PCGF5: variants seen among roughly 807,000 people sequenced by gnomAD.
PCGF5 encodes polycomb group ring finger 5.
In PCGF5, 9 loss-of-function variants were observed where a neutral mutation model predicts 44.3. That is an observed-to-expected ratio of 0.20 (90% CI 0.12 to 0.35). The LOEUF is 0.35. PCGF5 is among the 10% of genes least tolerant of loss of function. PCGF5 has a pLI of 1.00. For missense variants in PCGF5, 146 were observed against 305.3 expected, an observed-to-expected ratio of 0.48 and a Z score of 3.89; for synonymous variants, 95 against 102.5, an observed-to-expected ratio of 0.93 and a Z score of 0.44.
intron 1 of PCGF5, among the ~76,000 whole-genome samples, chr10:91,168,988 G>A (rs890005103): frequency 8.7e-5 from 13 of 148,832 alleles, no homozygotes; most frequent in Non-Finnish European, 3.0e-5. Flanking sequence ...TGCATTGTGC[G>A]TAGAGTGGTT....
intron 1 of PCGF5, among the ~76,000 whole-genome samples, chr10:91,179,479 C>G (rs949168039): frequency 3.3e-5 from 5 of 152,124 alleles, no homozygotes; most frequent in Admixed American, 3.3e-4. Flanking sequence ...AGTTGTTTCT[C>G]CTGATCCTCT....
intron 1 of PCGF5, among the ~76,000 whole-genome samples, chr10:91,204,344 C>A (rs1020565002): frequency 4.1e-5 from 6 of 144,828 alleles, no homozygotes; most frequent in Admixed American, 6.9e-5. Context: ...TAAAAAAAAA[C>A]CCTTACATTA....
chr10:91,209,764 AAGAAAAAAAAAG>A (rs1844413320), intron 1 of PCGF5, among the ~76,000 whole-genome samples: 2 of 86 alleles, frequency 0.023, 1 homozygote, highest in Non-Finnish European at 0.5. Context: ...CTCCGTCTCG[AAGAAAAAAAAAG>A]AAAAAAAAAA....
chr10:91,174,652 A>G (rs1843670411), intron 1 of PCGF5, among the ~76,000 whole-genome samples: 3 of 152,338 alleles, frequency 2.0e-5, no homozygotes, highest in Admixed American at 6.5e-5. Flanking sequence ...GAATTTTTTT[A>G]TGATCAAAAA....
At chr10:91,195,189 G>A (rs1410358934) in intron 1 of PCGF5, among the ~76,000 whole-genome samples, 1 of 151,940 alleles carries the variant, frequency 6.6e-6, no homozygotes, top group African/African-American at 2.4e-5. Context: ...CAGCATTAAA[G>A]GCCCACTTAA....
At chr10:91,159,303 CA>C (rs1843352541), upstream of PCGF5, among the ~76,000 whole-genome samples, 1 of 152,088 alleles carries the variant, frequency 6.6e-6, no homozygotes, top group African/African-American at 2.4e-5. Context: ...GCACCTATAA[CA>C]TGTCTATAAT....
intron 5 of PCGF5, among the ~76,000 whole-genome samples, chr10:91,249,575 C>T (rs1845572167): frequency 6.6e-6 from 1 of 151,468 alleles, no homozygotes; most frequent in Non-Finnish European, 1.5e-5. Flanking sequence ...TAAGTTCAGC[C>T]TCCCAATCTT....
At position 91,244,681 on chromosome 10, in the gene PCGF5, G is replaced by A. The variant is rs535445507; in HGVS notation, c.210-3824G>A. The stretch of plus-strand genomic sequence containing the variant: ...CTGGTGAGCGGTGGTAGCAGTAGAG[G>A]GGACAAGAAATGCTCATATTCTGAA... On this transcript the variant is annotated intron_variant, in intron 3 of 9. Coordinates refer to ENST00000336126, the MANE Select transcript of PCGF5 (RefSeq NM_032373.5). Among the ~76,000 whole-genome samples, 55 of 152,158 alleles carry A rather than the reference G, an allele frequency of 3.6e-4. No homozygotes were observed. In the South Asian group the frequency reaches 0.011, roughly 30 times the overall value.
At position 91,222,944 on chromosome 10, in the gene PCGF5, C is replaced by A. The variant is rs2133281530; in HGVS notation, c.73C>A (p.Leu25Met). ...TACCTGCTATATCTGTAAAGGGTATCTGATCAAGCCAACAACAGTGACGGA... is the reference window on the plus strand; with the variant it reads ...TACCTGCTATATCTGTAAAGGGTATATGATCAAGCCAACAACAGTGACGGA... ...YITCYICKGY[L>M]IKPTTVTECL... Residue 25 changes from leucine to methionine, a missense_variant, in exon 2 of 10, where the codon CTG becomes ATG. Transcript: ENST00000336126. 1 of 1,612,146 alleles carries A rather than the reference C, an allele frequency of 6.2e-7. No individual in the cohort carries two copies. The highest frequency in any genetic ancestry group is 2.2e-5 in the East Asian group (1 of 44,870).
intron 2 of PCGF5, among the ~76,000 whole-genome samples, chr10:91,236,759 T>G (rs370686993): frequency 1.4e-4 from 22 of 152,228 alleles, no homozygotes; most frequent in African/African-American, 4.8e-4. Flanking sequence ...CTTTTTCCAG[T>G]TTCACCGAGC....
chr10:91,250,865 C>T lies in PCGF5; in HGVS notation c.326-427C>T, dbSNP rs544546328. Reference sequence around the variant, plus strand: ...TGAAATTTTGAGAACTTAATTTTATCATTTGAAAAGTATTTGGTTTTAATT... The same window carrying T: ...TGAAATTTTGAGAACTTAATTTTATTATTTGAAAAGTATTTGGTTTTAATT... On this transcript the variant is annotated intron_variant, in intron 5 of 9. Transcript: ENST00000336126. Among the ~76,000 whole-genome samples, 11 of 151,372 alleles carry T rather than the reference C, an allele frequency of 7.3e-5. No individual in the cohort carries two copies. In the South Asian group the frequency reaches 1.5e-3, roughly 20 times the overall value.
chr10:91,185,915 A>AGTGCAGGTACCTGG (rs1554843008), intron 1 of PCGF5, among the ~76,000 whole-genome samples: 3 of 151,778 alleles, frequency 2.0e-5, no homozygotes, highest in African/African-American at 7.3e-5. Context: ...GATTAGTCCC[A>AGTGCAGGTACCTGG]ATGCAGGTAC....
chr10:91,176,019 A>G (rs1472138695), intron 1 of PCGF5, among the ~76,000 whole-genome samples: 1 of 152,096 alleles, frequency 6.6e-6, no homozygotes, highest in Non-Finnish European at 1.5e-5. Context: ...CGGTCTTTAC[A>G]ATTTGGCATG....
At chr10:91,243,904 T>C (rs1428114972) in intron 3 of PCGF5, among the ~76,000 whole-genome samples, 1 of 152,190 alleles carries the variant, frequency 6.6e-6, no homozygotes, top group African/African-American at 2.4e-5. Context: ...CTATTGGTCA[T>C]CACTTATATA....
At position 91,283,270 on chromosome 10, in the gene PCGF5, T is replaced by C. The variant is rs1262216031; in HGVS notation, c.*4954T>C. Reference sequence around the variant, plus strand: ...GCTCGAGCACTTCCTTTCAGAAAGTTATAAAATTAAAAATAATTATTTTAA... The same window carrying C: ...GCTCGAGCACTTCCTTTCAGAAAGTCATAAAATTAAAAATAATTATTTTAA... On this transcript the variant is annotated 3_prime_UTR_variant, in exon 10 of 10. Transcript: ENST00000336126. The C allele has an allele frequency of 6.6e-6, 1 of 152,228 alleles. No individual in the cohort carries two copies. The highest frequency in any genetic ancestry group is 1.5e-5 in the Non-Finnish European group (1 of 68,044). The allele number at this position is 152,228 out of a possible 1,614,324, so 9.4% of individuals were successfully genotyped here.
chr10:91,239,301 TAAAC>T (rs1479496643), intron 2 of PCGF5, among the ~76,000 whole-genome samples: 2 of 152,184 alleles, frequency 1.3e-5, no homozygotes, highest in Admixed American at 6.5e-5. Context: ...AATCAATGAA[TAAAC>T]AAACAAGAGG....
chr10:91,271,389 C>T (rs1257886154), intron 8 of PCGF5, among the ~76,000 whole-genome samples: 1 of 152,018 alleles, frequency 6.6e-6, no homozygotes, highest in Non-Finnish European at 1.5e-5. Flanking sequence ...GAGAGGCCAC[C>T]ATTTTTGCAT....
At chr10:91,225,653 G>A (rs889639619) in intron 2 of PCGF5, among the ~76,000 whole-genome samples, 6 of 151,716 alleles carry the variant, frequency 4.0e-5, no homozygotes, top group Admixed American at 1.3e-4. Context: ...GAAGCTTATA[G>A]GTGAAAACTA....
chr10:91,172,364 A>G (rs906510711), intron 1 of PCGF5, among the ~76,000 whole-genome samples: 2 of 152,180 alleles, frequency 1.3e-5, no homozygotes, highest in Non-Finnish European at 2.9e-5. Context: ...GGTTGTAGTA[A>G]GCTGGGATTG....
Sources: gnomAD v4.1 joint callset for allele counts (sites outside exome capture counted in the v4.1 genomes callset) on GRCh38, gnomAD v4.1.1 for gene constraint, MANE v1.5 for transcripts, NCBI Gene and HGNC (gene_info 2026-07-23, HGNC 2026-07-21) for gene names.